The following CPNE5 variants were observed in gnomAD, a reference collection of about 807,000 sequenced individuals.
The protein encoded by CPNE5 is copine-5.
In CPNE5, 42 loss-of-function variants were observed where a neutral mutation model predicts 81.1. The ratio of observed to expected loss-of-function variants is 0.52; its 90% CI spans 0.40 to 0.67. The LOEUF is 0.67. Ranked by LOEUF, CPNE5 falls within the 30% of genes least tolerant of loss-of-function variation. The probability of loss-of-function intolerance (pLI) is 0.00; values close to 1 mark genes in which losing one functional copy is unlikely to be tolerated. For synonymous variants in CPNE5, 313 were observed against 321.5 expected, an observed-to-expected ratio of 0.97 and a Z score of 0.28; for missense variants, 612 against 815.5, an observed-to-expected ratio of 0.75 and a Z score of 3.04.
intron 8 of CPNE5, among the ~76,000 whole-genome samples, chr6:36,786,054 G>T (rs960760920): frequency 6.6e-6 from 1 of 150,988 alleles, no homozygotes; most frequent in Admixed American, 6.6e-5. Flanking sequence ...GAAGGACCAC[G>T]GTACATTTAT....
At chr6:36,827,446 T>G (rs1484158695) in intron 1 of CPNE5, 1 of 985,374 alleles carries the variant, frequency 1.0e-6, no homozygotes, top group Non-Finnish European at 1.2e-6. Flanking sequence ...TCTGGCTGTG[T>G]AGGTCTGAAG....
chr6:36,821,247 G>A (rs1011248500), intron 3 of CPNE5, among the ~76,000 whole-genome samples: 5 of 152,288 alleles, frequency 3.3e-5, no homozygotes, highest in Non-Finnish European at 5.9e-5. Context: ...CCGTGTGACT[G>A]GAGTGGAGTG....
At chr6:36,747,890 C>T (rs1764360193) in intron 15 of CPNE5, among the ~76,000 whole-genome samples, 1 of 152,246 alleles carries the variant, frequency 6.6e-6, no homozygotes, top group Non-Finnish European at 1.5e-5. Flanking sequence ...GTGGGTTGGA[C>T]TGCACAGAGG....
intron 10 of CPNE5, among the ~76,000 whole-genome samples, chr6:36,774,056 G>A (rs1767279801): frequency 6.7e-6 from 1 of 150,366 alleles, no homozygotes; most frequent in Non-Finnish European, 1.5e-5. Context: ...CTCCAGCCTG[G>A]GTGAAAGAGT....
At chr6:36,832,571 C>A (rs1773056946) in intron 1 of CPNE5, among the ~76,000 whole-genome samples, 1 of 152,192 alleles carries the variant, frequency 6.6e-6, no homozygotes, top group African/African-American at 2.4e-5. Context: ...AACAACGAGG[C>A]CTACTGCTAA....
intron 20 of CPNE5, chr6:36,743,203 G>C (rs1753558559): frequency 2.0e-6 from 2 of 985,276 alleles, no homozygotes; most frequent in African/African-American, 3.5e-5. Flanking sequence ...CTTGCGGAGG[G>C]TGCATTCTTC....
Position 36,798,497 on chromosome 6 carries a change from G to A in CPNE5, c.288-3C>T. The A allele has an allele frequency of 6.2e-7, 1 of 1,613,884 alleles. No individual in the cohort carries two copies. Among genetic ancestry groups the A allele is most frequent in the Non-Finnish European group, 8.5e-7 (1 of 1,179,754 alleles). ...GACTCTTAGAGTCAACGTCGTATCT[G>A]CAGGGAACACAGAGAAACGATGAAG... On this transcript the variant is annotated splice_region_variant and splice_polypyrimidine_tract_variant and intron_variant, in intron 4 of 20. Transcript: ENST00000244751.
chr6:36,806,287 G>A (rs901563933), intron 3 of CPNE5, among the ~76,000 whole-genome samples: 9 of 152,192 alleles, frequency 5.9e-5, no homozygotes, highest in Non-Finnish European at 1.2e-4. Flanking sequence ...CCCTCACCCT[G>A]TGGCTTCCAG....
At chr6:36,820,196 C>T (rs935913414) in intron 3 of CPNE5, among the ~76,000 whole-genome samples, 12 of 152,200 alleles carry the variant, frequency 7.9e-5, no homozygotes, top group Non-Finnish European at 1.2e-4. Flanking sequence ...AGTTCCCCTT[C>T]CCCGCTTTCC....
chr6:36,822,501 G>T (rs1368754612), intron 2 of CPNE5, among the ~76,000 whole-genome samples: 1 of 152,192 alleles, frequency 6.6e-6, no homozygotes, highest in African/African-American at 2.4e-5. Flanking sequence ...CTACAGCAAG[G>T]GTCTGAAGTG....
At chr6:36,785,946 G>A (rs1768495218) in intron 8 of CPNE5, among the ~76,000 whole-genome samples, 1 of 148,098 alleles carries the variant, frequency 6.8e-6, no homozygotes, top group African/African-American at 2.5e-5. Flanking sequence ...CCGGGAGGAG[G>A]AGGTTGTAGT....
At chr6:36,756,061 G>A in intron 13 of CPNE5, 184 bp downstream of exon 13, 1 of 594,326 alleles carries the variant, frequency 1.7e-6, no homozygotes, top group Non-Finnish European at 3.0e-6. Context: ...TGGTCTGCAA[G>A]TCAACTCTCT....
In CPNE5 at chr6:36,746,690, TC is replaced by T. The variant is rs1764206052; in HGVS notation, c.1019-114del. 1.1e-6 allele frequency: 1 copy of T among 885,620 alleles called. No homozygotes were observed. The highest frequency in any genetic ancestry group is 1.8e-5 in the African/African-American group (1 of 56,784). 54.9% of individuals were successfully genotyped at this position (885,620 alleles called of 1,614,324 possible). ...CCCCTAACTTTTATTAATTCTTGAC[TC>T]CTCTCTTTCTCTCATACCCCATGTT... On this transcript the variant is annotated intron_variant, in intron 15 of 20. Transcript: ENST00000244751. This position sits in a 1 kb window ranked among gnomAD's most constrained non-coding sequence, Gnocchi z 4.5.
chr6:36,760,417 G>C (rs796507071), intron 12 of CPNE5, among the ~76,000 whole-genome samples: 6 of 152,174 alleles, frequency 3.9e-5, no homozygotes, highest in African/African-American at 1.4e-4. Flanking sequence ...CAGATTTTAA[G>C]CAGGGGAGCG....
At chr6:36,808,978 G>A (rs1196559632) in intron 3 of CPNE5, among the ~76,000 whole-genome samples, 1 of 152,174 alleles carries the variant, frequency 6.6e-6, no homozygotes, top group Non-Finnish European at 1.5e-5. Flanking sequence ...TCAGTAAGAG[G>A]CTTATGCTGT....
At chr6:36,778,105 C>T (rs932000014) in intron 9 of CPNE5, among the ~76,000 whole-genome samples, 5 of 152,170 alleles carry the variant, frequency 3.3e-5, no homozygotes, top group Non-Finnish European at 7.4e-5. Flanking sequence ...CATAATCCAA[C>T]TGGTTCATTT....
chr6:36,820,536 C>A (rs1203092093), intron 3 of CPNE5, among the ~76,000 whole-genome samples: 1 of 151,876 alleles, frequency 6.6e-6, no homozygotes, highest in African/African-American at 2.4e-5. Context: ...TTTTAAGCAA[C>A]CATGTATTAA....
chr6:36,829,705 C>T (rs992987137), intron 1 of CPNE5, among the ~76,000 whole-genome samples: 8 of 148,442 alleles, frequency 5.4e-5, no homozygotes, highest in Non-Finnish European at 1.0e-4. Flanking sequence ...CCCAGCTACT[C>T]GGGAGGCTGA....
rs573415657 is a variant in CPNE5 at position 36,749,974 on chromosome 6, C to T, written c.972-1707G>A. On this transcript the variant is annotated intron_variant, in intron 14 of 20. Transcript: ENST00000244751. ...AAAGTCTAGTCTTATGGTTCTCACACGGCAGTGAGCATAGAATCACTACGG... is the reference window on the plus strand; with the variant it reads ...AAAGTCTAGTCTTATGGTTCTCACATGGCAGTGAGCATAGAATCACTACGG... Among the ~76,000 whole-genome samples, 76 of 152,208 alleles carry T rather than the reference C, an allele frequency of 5.0e-4. 1 individual carries two copies. The highest frequency in any genetic ancestry group is 1.6e-3 in the Admixed American group (24 of 15,284).
Sources: allele counts gnomAD v4.1 joint callset (sites outside exome capture counted in the v4.1 genomes callset), GRCh38; gene constraint gnomAD v4.1.1; non-coding constraint Gnocchi (gnomAD v3.1); transcripts MANE v1.5; gene names NCBI Gene and HGNC (gene_info 2026-07-23, HGNC 2026-07-21).